Variants in CDC16 observed in about 807,000 individuals in gnomAD.
CDC16 encodes cell division cycle 16.
A neutral mutation model predicts 87.0 loss-of-function variants in CDC16; 34 were observed. The ratio of observed to expected loss-of-function variants is 0.39; its 90% CI spans 0.30 to 0.52. The LOEUF is 0.52. Among genes scored for constraint, CDC16 ranks in the 20% least tolerant of loss-of-function variants. The pLI is 0.74. For missense variants in CDC16, 653 were observed against 751.9 expected (o/e 0.87, Z 1.54); for synonymous variants, 263 against 260.6 (o/e 1.01, Z -0.09).
At chr13:114,269,135 C>T (rs182931041) in intron 17 of CDC16, among the ~76,000 whole-genome samples, 54 of 152,228 alleles carry the variant, frequency 3.5e-4, no homozygotes, top group African/African-American at 1.3e-3. Flanking sequence ...CTGTGGTCAG[C>T]AGATACTTGA....
intron 9 of CDC16, chr13:114,245,703 A>G: frequency 6.9e-6 from 2 of 290,958 alleles, no homozygotes; most frequent in South Asian, 6.7e-5. Flanking sequence ...ATGATGGTCC[A>G]TAATGGGCCC....
chr13:114,245,461 A>G (rs1469742137), intron 9 of CDC16, among the ~76,000 whole-genome samples: 2 of 151,852 alleles, frequency 1.3e-5, no homozygotes, highest in Non-Finnish European at 2.9e-5. Flanking sequence ...AGGAAGGAAA[A>G]CCCTCACCGA....
At chr13:114,267,835 T>G (rs912802890) in intron 17 of CDC16, among the ~76,000 whole-genome samples, 1 of 152,206 alleles carries the variant, frequency 6.6e-6, no homozygotes, top group African/African-American at 2.4e-5. Flanking sequence ...TACTTTATCA[T>G]AGTTTACTGC....
chr13:114,246,852 G>C (rs2081899316), intron 10 of CDC16, 79 bp from the exon 11 acceptor site: 6 of 861,554 alleles, frequency 7.0e-6, no homozygotes, highest in Non-Finnish European at 8.1e-6. Flanking sequence ...TATACCCTCT[G>C]TCTACCCTAA....
chr13:114,263,002 C>T lies in CDC16; in HGVS notation c.1500C>T (p.Asp500=). ...SLMGNFENAV[D]YFHTALGLRR... ...TGGGCAACTTTGAAAATGCTGTGGA[C>T]TACTTCCACACAGTATGTCTTTTCT... The change falls in exon 16 of 18, where the codon GAC becomes GAT. Residue 500 remains aspartate (D), a synonymous_variant. Transcript: ENST00000356221. The T allele has an allele frequency of 1.2e-6, 2 of 1,612,956 alleles. No individual in the cohort carries two copies. The highest frequency in any genetic ancestry group is 2.2e-5 in the South Asian group (2 of 91,066).
At chr13:114,264,337 A>C (rs2083050418) in intron 16 of CDC16, 1 of 152,406 alleles carries the variant, frequency 6.6e-6, no homozygotes, top group East Asian at 1.9e-4. Flanking sequence ...CATGAGGTCA[A>C]GAGATCGAGA....
chr13:114,272,428 A>G lies in CDC16; in HGVS notation c.1848A>G (p.Ser616=). Residue 616 remains serine, a synonymous_variant, in exon 18 of 18, where the codon TCA becomes TCG. Coordinates refer to ENST00000356221, the MANE Select transcript of CDC16 (RefSeq NM_001078645.3). ...ESDMMLETSM[S]DHST ...ACATGATGTTAGAGACATCTATGTC[A>G]GACCACAGCACGTGACTCCAGTCAG... 8.1e-6 allele frequency: 13 copies of G among 1,613,974 alleles called. No individual in the cohort carries two copies. Among genetic ancestry groups the G allele is most frequent in the Non-Finnish European group, 1.1e-5 (13 of 1,179,878 alleles).
intron 16 of CDC16, 118 bp downstream of exon 16, chr13:114,263,132 A>ACG: frequency 1.2e-6 from 1 of 842,418 alleles, no homozygotes; most frequent in Non-Finnish European, 1.9e-6. Context: ...AGGCAACCTT[A>ACG]CGTGTTATTC....
At chr13:114,257,935 C>T (rs1035151492) in intron 13 of CDC16, among the ~76,000 whole-genome samples, 3 of 151,980 alleles carry the variant, frequency 2.0e-5, no homozygotes, top group African/African-American at 7.2e-5. Context: ...TACAGATGCC[C>T]ACCACCACGC....
At chr13:114,241,326 G>A (rs2081539901) in intron 5 of CDC16, among the ~76,000 whole-genome samples, 1 of 152,214 alleles carries the variant, frequency 6.6e-6, no homozygotes, top group African/African-American at 2.4e-5. Flanking sequence ...ACTTGTCCGA[G>A]GTTACAAGTA....
chr13:114,255,835 G>T (rs530482270), intron 12 of CDC16, among the ~76,000 whole-genome samples: 1 of 152,206 alleles, frequency 6.6e-6, no homozygotes, highest in Admixed American at 6.5e-5. Context: ...TAGAGATGGG[G>T]TCTCACTGTG....
At chr13:114,266,050 C>A (rs2083193132) in intron 17 of CDC16, among the ~76,000 whole-genome samples, 1 of 152,222 alleles carries the variant, frequency 6.6e-6, no homozygotes, top group South Asian at 2.1e-4. Context: ...CTCCTGACCT[C>A]AGGTGATCTG....
intron 14 of CDC16, 48 bp from the exon 15 acceptor site, chr13:114,261,839 T>C (rs1470626264): frequency 7.5e-7 from 1 of 1,340,324 alleles, no homozygotes; most frequent in Admixed American, 2.0e-5. Flanking sequence ...CAAATCAGGC[T>C]GAACAGTGAC....
intron 9 of CDC16, 38 bp downstream of exon 9, chr13:114,245,007 TA>T: frequency 8.2e-7 from 1 of 1,219,376 alleles, no homozygotes; most frequent in Non-Finnish European, 1.2e-6. Context: ...TTCTTAGACA[TA>T]AAACAAATCT....
intron 17 of CDC16, among the ~76,000 whole-genome samples, chr13:114,267,617 C>T (rs2083315129): frequency 6.6e-6 from 1 of 152,172 alleles, no homozygotes; most frequent in African/African-American, 2.4e-5. Context: ...ATATACATTT[C>T]TGTGGGCTTG....
chr13:114,261,154 T>A (rs898061106), intron 14 of CDC16, among the ~76,000 whole-genome samples: 1 of 152,022 alleles, frequency 6.6e-6, no homozygotes, highest in African/African-American at 2.4e-5. Context: ...TTGCAAAAAT[T>A]GGAGCTAATT....
intron 17 of CDC16, among the ~76,000 whole-genome samples, chr13:114,266,777 T>TC (rs1020562494): frequency 1.6e-4 from 25 of 151,780 alleles, no homozygotes; most frequent in Admixed American, 1.5e-3. Context: ...CACTGCAAGC[T>TC]CCCCCTCACC....
intron 14 of CDC16, among the ~76,000 whole-genome samples, chr13:114,260,102 C>T (rs1391411576): frequency 6.6e-6 from 1 of 152,198 alleles, no homozygotes; most frequent in Non-Finnish European, 1.5e-5. Context: ...ATTTTCACTT[C>T]TCAGCTTCCT....
chr13:114,250,147 C>G (rs572608845), intron 11 of CDC16, among the ~76,000 whole-genome samples: 1 of 152,092 alleles, frequency 6.6e-6, no homozygotes, highest in Non-Finnish European at 1.5e-5. Context: ...ATGATCATAC[C>G]ACTGCATTCC....
Sources: gnomAD v4.1 joint callset for allele counts (sites outside exome capture counted in the v4.1 genomes callset) on GRCh38, gnomAD v4.1.1 for gene constraint, MANE v1.5 for transcripts, NCBI Gene and HGNC (gene_info 2026-07-23, HGNC 2026-07-21) for gene names.